The following CACNA2D1 variants were observed in gnomAD, a reference collection of about 807,000 sequenced individuals.
The protein encoded by CACNA2D1 is voltage-dependent calcium channel subunit alpha-2/delta-1.
A neutral mutation model predicts 171.5 loss-of-function variants in CACNA2D1; 53 were observed. The observed-to-expected ratio is 0.31, with a 90% CI of 0.25 to 0.39. The LOEUF (loss-of-function observed/expected upper bound fraction) is 0.39, where lower values mean the gene tolerates loss of function less well. CACNA2D1 is among the 10% of genes least tolerant of loss of function. CACNA2D1 has a pLI of 1.00. For synonymous variants in CACNA2D1, 442 were observed against 443.1 expected, an observed-to-expected ratio of 1.00 and a Z score of 0.03; for missense variants, 903 against 1,299.8, an observed-to-expected ratio of 0.69 and a Z score of 4.69.
intron 3 of CACNA2D1, among the ~76,000 whole-genome samples, chr7:82,172,436 T>G (rs561692102): frequency 3.3e-5 from 5 of 150,372 alleles, no homozygotes; most frequent in African/African-American, 1.2e-4. Context: ...AATGAGAAAA[T>G]AAGCATGAAG....
At chr7:82,402,147 T>C (rs1826499017) in intron 1 of CACNA2D1, among the ~76,000 whole-genome samples, 1 of 152,188 alleles carries the variant, frequency 6.6e-6, no homozygotes, top group South Asian at 2.1e-4. Context: ...ATCTGAATTC[T>C]GAAAGAGAAG....
At chr7:81,978,822 T>TATATATA (rs1562811993) in intron 24 of CACNA2D1, among the ~76,000 whole-genome samples, 9 of 33,336 alleles carry the variant, frequency 2.7e-4, no homozygotes, top group African/African-American at 1.1e-3. Flanking sequence ...ATATATATAT[T>TATATATA]TATTTATTTA....
intron 3 of CACNA2D1, among the ~76,000 whole-genome samples, chr7:82,318,864 G>A (rs2129437018): frequency 6.9e-6 from 1 of 145,924 alleles, no homozygotes; most frequent in South Asian, 2.2e-4. Flanking sequence ...AAGAAGAAGG[G>A]ACAGAGGAAG....
At chr7:81,955,398 A>G (rs1793115340) in intron 38 of CACNA2D1, among the ~76,000 whole-genome samples, 1 of 152,120 alleles carries the variant, frequency 6.6e-6, no homozygotes, top group Non-Finnish European at 1.5e-5. Flanking sequence ...TATTTTTTGT[A>G]ATGATTTTTT....
chr7:82,264,263 G>A (rs746784909), intron 3 of CACNA2D1, among the ~76,000 whole-genome samples: 1 of 152,050 alleles, frequency 6.6e-6, no homozygotes, highest in Non-Finnish European at 1.5e-5. Context: ...ACAAAAGATT[G>A]TTCCCCTTGG....
intron 3 of CACNA2D1, among the ~76,000 whole-genome samples, chr7:82,184,051 A>C (rs1251161223): frequency 6.6e-6 from 1 of 151,488 alleles, no homozygotes; most frequent in African/African-American, 2.4e-5. Flanking sequence ...ATTAACTTGC[A>C]CAGGCTGCCA....
chr7:82,362,624 T>C (rs1202566431), intron 1 of CACNA2D1, among the ~76,000 whole-genome samples: 1 of 152,152 alleles, frequency 6.6e-6, no homozygotes, highest in Non-Finnish European at 1.5e-5. Flanking sequence ...CTACCCTACA[T>C]GTATTTTCCC....
At chr7:82,191,744 A>G (rs1442830230) in intron 3 of CACNA2D1, among the ~76,000 whole-genome samples, 1 of 151,884 alleles carries the variant, frequency 6.6e-6, no homozygotes, top group African/African-American at 2.4e-5. Context: ...AATCAACTGC[A>G]AGTATAAACA....
At chr7:82,371,012 A>C (rs182652947) in intron 1 of CACNA2D1, among the ~76,000 whole-genome samples, 1 of 152,326 alleles carries the variant, frequency 6.6e-6, no homozygotes, top group Admixed American at 6.5e-5. Context: ...GGAGCACTGT[A>C]AGCAGTGAAC....
chr7:81,962,640 A>G, intron 34 of CACNA2D1, 145 bp from the exon 35 acceptor site: 1 of 600,334 alleles, frequency 1.7e-6, no homozygotes, highest in Non-Finnish European at 3.0e-6. Context: ...TCAAAATTAT[A>G]TAACACATTG....
intron 4 of CACNA2D1, among the ~76,000 whole-genome samples, chr7:82,145,453 A>C (rs1326610960): frequency 2.3e-5 from 2 of 86,450 alleles, no homozygotes; most frequent in Non-Finnish European, 4.8e-5. Flanking sequence ...TATAATTTTT[A>C]TATATGTTTA....
Position 82,050,719 on chromosome 7 carries a change from G to A in CACNA2D1, c.879+9709C>T, listed in dbSNP as rs887186688. The A allele has an allele frequency of 2.5e-5, 17 of 682,464 alleles. No individual in the cohort carries two copies. In the East Asian group the frequency reaches 2.7e-4, roughly 11 times the overall value. 42.3% of individuals were successfully genotyped at this position (682,464 alleles called of 1,614,324 possible). On this transcript the variant is annotated intron_variant, in intron 10 of 38. Coordinates refer to ENST00000356860, the MANE Select transcript of CACNA2D1 (RefSeq NM_000722.4). ...AAAGAAATGTCTCCCAACAGTTGGT[G>A]GAAAAATGTTGGAAGATGACACTAA... is the stretch of plus-strand genomic sequence containing the variant.
chr7:82,020,923 T>G (rs552695677), intron 12 of CACNA2D1: 1 of 152,232 alleles, frequency 6.6e-6, no homozygotes, highest in South Asian at 2.1e-4. Flanking sequence ...GGCAACAAAG[T>G]GCAGTAGTCA....
At chr7:82,401,978 G>A (rs1009573896) in intron 1 of CACNA2D1, among the ~76,000 whole-genome samples, 3 of 152,120 alleles carry the variant, frequency 2.0e-5, no homozygotes, top group Admixed American at 2.0e-4. Context: ...AGGTAGACAG[G>A]GTTTAGTTTC....
At chr7:82,229,654 G>T (rs1016114457) in intron 3 of CACNA2D1, among the ~76,000 whole-genome samples, 1 of 150,190 alleles carries the variant, frequency 6.7e-6, no homozygotes, top group Non-Finnish European at 1.5e-5. Context: ...TTCTTTCTCT[G>T]CCTTTCCCAC....
chr7:82,434,041 A>C (rs1829921779), intron 1 of CACNA2D1, among the ~76,000 whole-genome samples: 1 of 152,248 alleles, frequency 6.6e-6, no homozygotes, highest in Non-Finnish European at 1.5e-5. Context: ...AGGAGAAAGC[A>C]TAATCCCTCG....
intron 2 of CACNA2D1, among the ~76,000 whole-genome samples, chr7:82,336,180 A>G (rs1685625711): frequency 6.6e-6 from 1 of 152,168 alleles, no homozygotes; most frequent in Admixed American, 6.5e-5. Flanking sequence ...GAATCCAGGC[A>G]CATACAGGAA....
intron 6 of CACNA2D1, among the ~76,000 whole-genome samples, chr7:82,112,235 T>C (rs1285669663): frequency 6.6e-6 from 1 of 152,194 alleles, no homozygotes; most frequent in Non-Finnish European, 1.5e-5. Flanking sequence ...CTTTAAATCA[T>C]CTGTTATCCA....
At chr7:82,286,822 A>C (rs1025989668) in intron 3 of CACNA2D1, among the ~76,000 whole-genome samples, 5 of 152,146 alleles carry the variant, frequency 3.3e-5, no homozygotes, top group Non-Finnish European at 7.4e-5. Flanking sequence ...CTTTGTCCCC[A>C]TGCCTATTTA....
Sources: allele counts gnomAD v4.1 joint callset (sites outside exome capture counted in the v4.1 genomes callset), GRCh38; gene constraint gnomAD v4.1.1; transcripts MANE v1.5; gene names NCBI Gene and HGNC (gene_info 2026-07-23, HGNC 2026-07-21).